Variants in SPOCK1 observed in about 807,000 individuals in gnomAD.
SPOCK1 encodes the protein testican-1.
A neutral mutation model predicts 55.3 loss-of-function variants in SPOCK1; 23 were observed. The ratio of observed to expected loss-of-function variants is 0.42; its 90% CI spans 0.30 to 0.59. The LOEUF (loss-of-function observed/expected upper bound fraction) is 0.59, where lower values mean the gene tolerates loss of function less well. Ranked by LOEUF, SPOCK1 falls within the 20% of genes least tolerant of loss-of-function variation. The pLI, the probability that SPOCK1 is intolerant of heterozygous loss-of-function variation, is 0.22. For synonymous variants in SPOCK1, 226 were observed against 221.0 expected (o/e 1.02, Z -0.20); for missense variants, 499 against 552.5 (o/e 0.90, Z 0.97).
chr5:137,464,612 C>A (rs1334700587), intron 2 of SPOCK1, among the ~76,000 whole-genome samples: 1 of 151,908 alleles, frequency 6.6e-6, no homozygotes, highest in Non-Finnish European at 1.5e-5. Flanking sequence ...TGGTAGATAG[C>A]AACAGCCTGC....
At chr5:137,038,465 CTG>C (rs990420267) in intron 6 of SPOCK1, among the ~76,000 whole-genome samples, 11 of 152,062 alleles carry the variant, frequency 7.2e-5, no homozygotes, top group Admixed American at 3.3e-4. Flanking sequence ...TTTCAACTGA[CTG>C]AGTGGTTTGA....
chr5:137,496,535 C>T (rs1366476619), intron 2 of SPOCK1, among the ~76,000 whole-genome samples: 1 of 152,176 alleles, frequency 6.6e-6, no homozygotes, highest in Admixed American at 6.5e-5. Context: ...CAGAGGTGGC[C>T]CTTCACTTCT....
Position 137,219,100 on chromosome 5 carries a change from C to T in SPOCK1, c.232+47910G>A, listed in dbSNP as rs140648468. Among the ~76,000 whole-genome samples the T allele has an allele frequency of 7.4e-3, 1,132 of 152,272 alleles. 16 individuals carry two copies. Among genetic ancestry groups the T allele is most frequent in the African/African-American group, 0.025 (1,045 of 41,550 alleles). ...ACCTGGAATCTCTCCAAATAGATGACGGCTGCCAAATCTGCACACAGGAAA... is the reference window on the plus strand; with the variant it reads ...ACCTGGAATCTCTCCAAATAGATGATGGCTGCCAAATCTGCACACAGGAAA... On this transcript the variant is annotated intron_variant, in intron 3 of 10. Coordinates refer to ENST00000394945, the MANE Select transcript of SPOCK1 (RefSeq NM_004598.4).
chr5:137,066,621 T>C (rs1265236645), intron 6 of SPOCK1, among the ~76,000 whole-genome samples: 3 of 152,250 alleles, frequency 2.0e-5, no homozygotes, highest in Admixed American at 6.5e-5. Flanking sequence ...AAGAGGCTTA[T>C]GTATATTAGT....
At chr5:137,484,185 A>G (rs1754007504) in intron 2 of SPOCK1, among the ~76,000 whole-genome samples, 1 of 152,210 alleles carries the variant, frequency 6.6e-6, no homozygotes, top group Non-Finnish European at 1.5e-5. Context: ...ATCCATCAGC[A>G]GCAATTTCAC....
chr5:137,296,982 GACA>G (rs1757501240), intron 2 of SPOCK1, among the ~76,000 whole-genome samples: 1 of 152,192 alleles, frequency 6.6e-6, no homozygotes, highest in East Asian at 1.9e-4. Context: ...AAGAAGGACA[GACA>G]AGAGTATCTA....
chr5:137,102,982 G>GT (rs992327858), intron 5 of SPOCK1, among the ~76,000 whole-genome samples: 18 of 151,736 alleles, frequency 1.2e-4, no homozygotes, highest in South Asian at 4.2e-4. Flanking sequence ...TGCTTTTTGG[G>GT]TTTTTTTTGT....
intron 2 of SPOCK1, among the ~76,000 whole-genome samples, chr5:137,319,921 C>T (rs923040787): frequency 3.6e-5 from 5 of 138,316 alleles, no homozygotes; most frequent in Non-Finnish European, 6.1e-5. Context: ...GTCCGCAGTC[C>T]GGCCTGGGCG....
At chr5:137,181,994 C>T (rs1302484372) in intron 3 of SPOCK1, among the ~76,000 whole-genome samples, 2 of 152,198 alleles carry the variant, frequency 1.3e-5, no homozygotes, top group Non-Finnish European at 2.9e-5. Context: ...ATGAAGACAA[C>T]AATCTGCAAA....
intron 2 of SPOCK1, among the ~76,000 whole-genome samples, chr5:137,488,276 C>T (rs186628928): frequency 6.6e-6 from 1 of 152,264 alleles, no homozygotes; most frequent in East Asian, 1.9e-4. Context: ...ACTCGGGAGG[C>T]TGAGGCAGGA....
chr5:137,160,330 A>G (rs1561631356), intron 3 of SPOCK1, among the ~76,000 whole-genome samples: 3 of 124,410 alleles, frequency 2.4e-5, no homozygotes, highest in Admixed American at 1.1e-4. Context: ...TAATATATAT[A>G]TTATATATAT....
chr5:137,015,046 T>A (rs1359220439), intron 6 of SPOCK1, among the ~76,000 whole-genome samples: 1 of 152,192 alleles, frequency 6.6e-6, no homozygotes, highest in Non-Finnish European at 1.5e-5. Flanking sequence ...TGAAACCTCA[T>A]TTTTCTACTT....
intron 3 of SPOCK1, among the ~76,000 whole-genome samples, chr5:137,163,077 C>T (rs998697992): frequency 5.9e-5 from 9 of 152,140 alleles, no homozygotes; most frequent in African/African-American, 1.9e-4. Flanking sequence ...CTGTATCATG[C>T]TGATCCTAAT....
chr5:137,224,496 G>A (rs1427261429), intron 3 of SPOCK1, among the ~76,000 whole-genome samples: 2 of 152,210 alleles, frequency 1.3e-5, no homozygotes, highest in Non-Finnish European at 2.9e-5. Context: ...GGAAACGGGT[G>A]TAAAATCAAA....
At chr5:137,140,546 T>TCCCAGCC (rs749208071) in intron 4 of SPOCK1, 34 bp downstream of exon 4, 254 of 1,575,750 alleles carry the variant, frequency 1.6e-4, no homozygotes, top group Non-Finnish European at 2.1e-4. Context: ...GCAGAATGCC[T>TCCCAGCC]CCCAGCCCCC....
rs530508800 is a variant in SPOCK1 at position 137,140,038 on chromosome 5, T to C, written c.347+542A>G. 2.0e-5 allele frequency among the ~76,000 whole-genome samples: 3 copies of C among 152,298 alleles called. No individual in the cohort carries two copies. The South Asian group carries it at 6.2e-4, about 32-fold the overall frequency. ...CTGGGGAAAAGAGGATATCAGGGGC[T>C]GTACCCTGAGGAAATAGCATGTTCC... On this transcript the variant is annotated intron_variant, in intron 4 of 10. Transcript: ENST00000394945.
intron 8 of SPOCK1, 30 bp downstream of exon 8, chr5:136,988,392 T>C (rs1750882448): frequency 1.3e-6 from 2 of 1,598,766 alleles, no homozygotes; most frequent in Admixed American, 1.7e-5. Context: ...TGCCCTGGGC[T>C]AGGGACCCCA....
chr5:137,204,374 C>T (rs1755484031), intron 3 of SPOCK1, among the ~76,000 whole-genome samples: 5 of 152,140 alleles, frequency 3.3e-5, no homozygotes. Flanking sequence ...AGCGCACTGT[C>T]TCAGCAGAAA....
chr5:137,406,817 G>A (rs901432515), intron 2 of SPOCK1, among the ~76,000 whole-genome samples: 5 of 152,144 alleles, frequency 3.3e-5, no homozygotes, highest in Non-Finnish European at 7.4e-5. Flanking sequence ...CCTGTAAAAT[G>A]GAAATAATAA....
Sources: allele counts gnomAD v4.1 joint callset (sites outside exome capture counted in the v4.1 genomes callset), GRCh38; gene constraint gnomAD v4.1.1; transcripts MANE v1.5; gene names NCBI Gene and HGNC (gene_info 2026-07-23, HGNC 2026-07-21).